GPC6: variants seen among roughly 807,000 people sequenced by gnomAD.
GPC6 encodes the protein glypican 6.
GPC6 carries 14 observed loss-of-function variants against 55.2 expected under a neutral mutation model. The observed-to-expected ratio is 0.25, with a 90% confidence interval of 0.17 to 0.40. The LOEUF (loss-of-function observed/expected upper bound fraction) is 0.40. Ranked by LOEUF, GPC6 falls within the 10% of genes least tolerant of loss-of-function variation. The probability of loss-of-function intolerance (pLI) is 1.00; values close to 1 mark genes in which losing one functional copy is unlikely to be tolerated. For synonymous variants in GPC6, 278 were observed against 259.6 expected, an observed-to-expected ratio of 1.07 and a Z score of -0.68; for missense variants, 641 against 708.5, an observed-to-expected ratio of 0.90 and a Z score of 1.08.
intron 4 of GPC6, among the ~76,000 whole-genome samples, chr13:94,275,598 C>T (rs1011310319): frequency 2.6e-5 from 4 of 151,698 alleles, no homozygotes; most frequent in Non-Finnish European, 5.9e-5. Context: ...TATAAAAATT[C>T]AAAAATTTCT....
chr13:93,706,905 A>C (rs1193160654), intron 2 of GPC6, among the ~76,000 whole-genome samples: 1 of 151,892 alleles, frequency 6.6e-6, no homozygotes, highest in Admixed American at 6.6e-5. Flanking sequence ...CCTTCAGAAC[A>C]TGCCTTGAGA....
chr13:94,005,213 G>A (rs1881967179), intron 3 of GPC6, among the ~76,000 whole-genome samples: 1 of 152,186 alleles, frequency 6.6e-6, no homozygotes, highest in African/African-American at 2.4e-5. Flanking sequence ...ATTTTATTAA[G>A]ATTAATCTAT....
chr13:93,401,599 G>A (rs1594144176), intron 1 of GPC6, among the ~76,000 whole-genome samples: 1 of 151,482 alleles, frequency 6.6e-6, no homozygotes, highest in African/African-American at 2.4e-5. Flanking sequence ...AACCAGGGAG[G>A]ATGGGGTTAG....
chr13:93,490,439 G>T (rs1879923098), intron 1 of GPC6, among the ~76,000 whole-genome samples: 2 of 80,154 alleles, frequency 2.5e-5, no homozygotes, highest in African/African-American at 8.9e-5. Context: ...ATGTTTTGAA[G>T]TTGGTCCACT....
chr13:93,307,964 T>C (rs1290611696), intron 1 of GPC6, among the ~76,000 whole-genome samples: 2 of 151,866 alleles, frequency 1.3e-5, no homozygotes, highest in Non-Finnish European at 1.5e-5. Context: ...AAAAAGAAAA[T>C]AGGTCAATTG....
At chr13:93,375,510 C>A (rs1339488093) in intron 1 of GPC6, among the ~76,000 whole-genome samples, 1 of 152,208 alleles carries the variant, frequency 6.6e-6, no homozygotes, top group Non-Finnish European at 1.5e-5. Flanking sequence ...CTGATATATA[C>A]AATGGTAGAG....
chr13:93,752,169 A>G (rs1444264210), intron 2 of GPC6, among the ~76,000 whole-genome samples: 5 of 152,098 alleles, frequency 3.3e-5, no homozygotes, highest in African/African-American at 9.7e-5. Flanking sequence ...ATAATTTTCA[A>G]TCTATTTTAG....
chr13:93,981,448 A>G (rs1171319725), intron 3 of GPC6, among the ~76,000 whole-genome samples: 1 of 152,188 alleles, frequency 6.6e-6, no homozygotes, highest in Non-Finnish European at 1.5e-5. Context: ...AATTTATGAT[A>G]AATAAAAATT....
intron 3 of GPC6, among the ~76,000 whole-genome samples, chr13:93,843,950 T>C (rs1446436747): frequency 2.0e-5 from 3 of 151,952 alleles, no homozygotes; most frequent in Admixed American, 2.0e-4. Context: ...AGAAAAATAA[T>C]GCTTCAAAAA....
chr13:93,592,534 CA>C (rs1387879462), intron 2 of GPC6, among the ~76,000 whole-genome samples: 1 of 150,794 alleles, frequency 6.6e-6, no homozygotes, highest in East Asian at 1.9e-4. Flanking sequence ...CAGGTGTAGC[CA>C]CCACACCCGG....
At chr13:93,898,940 A>AATATAAATATAT (rs370234197) in intron 3 of GPC6, among the ~76,000 whole-genome samples, 2 of 136,656 alleles carry the variant, frequency 1.5e-5, no homozygotes, top group East Asian at 4.4e-4. Context: ...ATTATATATA[A>AATATAAATATAT]ATATATATAT....
chr13:93,592,758 T>C (rs1877551711), intron 2 of GPC6, among the ~76,000 whole-genome samples: 1 of 152,060 alleles, frequency 6.6e-6, no homozygotes, highest in Non-Finnish European at 1.5e-5. Flanking sequence ...TATTTAGTAA[T>C]TGTTATAAGG....
intron 1 of GPC6, among the ~76,000 whole-genome samples, chr13:93,278,362 A>C (rs1313230046): frequency 6.6e-6 from 1 of 152,196 alleles, no homozygotes; most frequent in African/African-American, 2.4e-5. Flanking sequence ...GCATTGTTGT[A>C]CAGCTGACCT....
chr13:94,325,693 AT>A (rs1877079536), intron 6 of GPC6, among the ~76,000 whole-genome samples: 1 of 152,068 alleles, frequency 6.6e-6, no homozygotes, highest in Non-Finnish European at 1.5e-5. Flanking sequence ...CCTATTACAT[AT>A]TTTTGTCTTC....
intron 4 of GPC6, among the ~76,000 whole-genome samples, chr13:94,030,381 G>T (rs370504749): frequency 1.3e-5 from 2 of 151,994 alleles, no homozygotes; most frequent in Non-Finnish European, 2.9e-5. Context: ...TTTGGGTTCT[G>T]CTGTGGCATT....
chr13:93,478,897 T>C (rs1323799474), intron 1 of GPC6, among the ~76,000 whole-genome samples: 2 of 152,190 alleles, frequency 1.3e-5, no homozygotes, highest in Non-Finnish European at 2.9e-5. Context: ...TACTATATTA[T>C]AGGCATGTTG....
Position 94,343,957 on chromosome 13 carries a change from C to T in GPC6, c.1152+37834C>T, listed in dbSNP as rs527256107. On this transcript the variant is annotated intron_variant, in intron 6 of 8. Transcript: ENST00000377047. ...TGTTGCCCAGGCTGGTGTCGAACTC[C>T]TGGGCTCAAGTGAGCCTCCCGCCTC... Among the ~76,000 whole-genome samples the T allele has an allele frequency of 3.9e-4, 59 of 152,272 alleles. No homozygotes were observed. The South Asian group carries it at 0.012, about 30-fold the overall frequency.
At chr13:94,062,314 C>T (rs950991906) in intron 4 of GPC6, among the ~76,000 whole-genome samples, 4 of 151,950 alleles carry the variant, frequency 2.6e-5, no homozygotes, top group South Asian at 2.1e-4. Context: ...TGCAGTGGCA[C>T]GATCTTGGCT....
intron 1 of GPC6, among the ~76,000 whole-genome samples, chr13:93,242,489 A>G (rs977689770): frequency 6.6e-6 from 1 of 152,150 alleles, no homozygotes; most frequent in Non-Finnish European, 1.5e-5. Flanking sequence ...TCACCCCAAA[A>G]TGCTCTATAA....
Sources: allele counts gnomAD v4.1 joint callset (sites outside exome capture counted in the v4.1 genomes callset), GRCh38; gene constraint gnomAD v4.1.1; transcripts MANE v1.5; gene names NCBI Gene and HGNC (gene_info 2026-07-23, HGNC 2026-07-21).